DYNC1LI1: variants seen among roughly 807,000 people sequenced by gnomAD.
DYNC1LI1 encodes dynein cytoplasmic 1 light intermediate chain 1, also known as cytoplasmic dynein 1 light intermediate chain 1.
In DYNC1LI1, 19 loss-of-function variants were observed where a neutral mutation model predicts 63.8. The observed-to-expected ratio is 0.30, with a 90% CI of 0.21 to 0.44. DYNC1LI1 has a LOEUF of 0.44. Ranked by LOEUF, DYNC1LI1 falls within the 20% of genes least tolerant of loss-of-function variation. The pLI, the probability that DYNC1LI1 is intolerant of heterozygous loss-of-function variation, is 1.00. For missense variants in DYNC1LI1, 565 were observed against 630.2 expected, an observed-to-expected ratio of 0.90 and a Z score of 1.11; for synonymous variants, 225 against 232.3, an observed-to-expected ratio of 0.97 and a Z score of 0.28.
At chr3:32,526,934 C>A (rs1697627097) in intron 12 of DYNC1LI1, 26 bp from the exon 13 acceptor site, 4 of 1,515,426 alleles carry the variant, frequency 2.6e-6, no homozygotes, top group South Asian at 2.3e-5. Context: ...AGAAAAAAAA[C>A]AAGATTTAGA....
At position 32,550,597 on chromosome 3, in the gene DYNC1LI1, T is replaced by G. The variant is rs536363779; in HGVS notation, c.221-4632A>C. 2.0e-5 allele frequency among the ~76,000 whole-genome samples: 3 copies of G among 152,324 alleles called. No homozygotes were observed. In the East Asian group the frequency reaches 5.8e-4, roughly 29 times the overall value. ...AGAGTTTATTCCTCTCTGTGAATGT[T>G]GTCAATCATTCGTTTCACTGGACGA... On this transcript the variant is annotated intron_variant, in intron 2 of 12. Coordinates refer to ENST00000273130, the MANE Select transcript of DYNC1LI1 (RefSeq NM_016141.4).
chr3:32,561,031 A>C lies in DYNC1LI1; in HGVS notation c.220+9315T>G, dbSNP rs1266889144. Among the ~76,000 whole-genome samples the C allele has an allele frequency of 5.6e-3, 697 of 123,400 alleles. 24 individuals carry two copies. Among genetic ancestry groups the C allele is most frequent in the African/African-American group, 0.022 (663 of 29,798 alleles). 81.0% of individuals were successfully genotyped at this position (123,400 alleles called of 152,430 possible). A position where few individuals can be genotyped will look rare whatever the true frequency, so the allele number is the denominator to read the frequency against. On this transcript the variant is annotated intron_variant, in intron 2 of 12. Coordinates refer to ENST00000273130, the MANE Select transcript of DYNC1LI1 (RefSeq NM_016141.4). Reference sequence around the variant, plus strand: ...AAAAAAAAAAAAAAAAAAAAAAAAAAAACAAACAAAAAAAACACACACACA... The same window carrying C: ...AAAAAAAAAAAAAAAAAAAAAAAAACAACAAACAAAAAAAACACACACACA...
chr3:32,530,207 T>G (rs1697676674), intron 10 of DYNC1LI1, 77 bp downstream of exon 10: 1 of 1,184,038 alleles, frequency 8.4e-7, no homozygotes, highest in South Asian at 1.5e-5. Context: ...ATATGAAATA[T>G]GTACATAATT....
intron 2 of DYNC1LI1, among the ~76,000 whole-genome samples, chr3:32,563,914 C>T (rs1421335962): frequency 2.0e-5 from 3 of 152,236 alleles, no homozygotes; most frequent in Non-Finnish European, 2.9e-5. Flanking sequence ...CAGATATTCA[C>T]TAGGCACCTA....
chr3:32,563,289 CTT>C (rs1292071061), intron 2 of DYNC1LI1, among the ~76,000 whole-genome samples: 9 of 133,940 alleles, frequency 6.7e-5, no homozygotes, highest in Admixed American at 7.7e-5. Flanking sequence ...TGGTCACTTA[CTT>C]TTTTTTTTTT....
intron 2 of DYNC1LI1, among the ~76,000 whole-genome samples, chr3:32,555,287 T>G (rs1484074831): frequency 1.3e-5 from 2 of 152,242 alleles, no homozygotes; most frequent in African/African-American, 4.8e-5. Context: ...ATTATGCAGC[T>G]TTCACTTTCT....
intron 2 of DYNC1LI1, among the ~76,000 whole-genome samples, chr3:32,556,250 CAT>C (rs1185417105): frequency 1.3e-5 from 2 of 152,196 alleles, no homozygotes; most frequent in East Asian, 3.8e-4. Flanking sequence ...TTTGACTCCA[CAT>C]GTTTGGTTAA....
chr3:32,537,938 ATATATATAT>A lies in DYNC1LI1; in HGVS notation c.739-843_739-835del, dbSNP rs1559436187. Among the ~76,000 whole-genome samples the A allele has an allele frequency of 1.6e-3, 16 of 10,282 alleles. 2 individuals carry two copies. Among genetic ancestry groups the A allele is most frequent in the African/African-American group, 6.8e-3 (16 of 2,346 alleles). 6.7% of individuals were successfully genotyped at this position (10,282 alleles called of 152,430 possible). A position where few individuals can be genotyped will look rare whatever the true frequency, so the allele number is the denominator to read the frequency against. On this transcript the variant is annotated intron_variant, in intron 5 of 12. Coordinates refer to ENST00000273130, the MANE Select transcript of DYNC1LI1 (RefSeq NM_016141.4). ...AATTTATATATATAATATATATATA[ATATATATAT>A]AATTTATATATATAATATATATATA...
Position 32,567,530 on chromosome 3 carries a change from AT to A in DYNC1LI1, c.220+2815del, listed in dbSNP as rs869107301. On this transcript the variant is annotated intron_variant, in intron 2 of 12. Transcript: ENST00000273130. ...AGGCTCAGATTTGGTTTTTTATTTT[AT>A]TTATTATTATTATTATTATTATTTT... Among the ~76,000 whole-genome samples the A allele has an allele frequency of 3.8e-3, 458 of 121,436 alleles. 3 individuals are homozygous for A. Among genetic ancestry groups the A allele is most frequent in the African/African-American group, 0.014 (432 of 31,608 alleles). The allele number at this position is 121,436 out of a possible 152,430, so 79.7% of individuals were successfully genotyped here.
intron 2 of DYNC1LI1, among the ~76,000 whole-genome samples, chr3:32,551,993 C>CT (rs1312420070): frequency 1.3e-5 from 2 of 152,198 alleles, no homozygotes; most frequent in African/African-American, 4.8e-5. Flanking sequence ...AAACTACTTA[C>CT]TAGTCATTAC....
intron 2 of DYNC1LI1, among the ~76,000 whole-genome samples, chr3:32,559,834 T>C (rs1240277071): frequency 6.6e-6 from 1 of 152,180 alleles, no homozygotes; most frequent in East Asian, 1.9e-4. Flanking sequence ...TCCTATTTTA[T>C]CTGAAAGCTC....
At chr3:32,533,764 G>A (rs1198921076) in intron 7 of DYNC1LI1, among the ~76,000 whole-genome samples, 4 of 151,452 alleles carry the variant, frequency 2.6e-5, no homozygotes, top group East Asian at 3.9e-4. Flanking sequence ...GTCTCACGAT[G>A]TTGCTCAGGC....
intron 4 of DYNC1LI1, among the ~76,000 whole-genome samples, chr3:32,543,831 G>A (rs1697915329): frequency 6.6e-6 from 1 of 151,632 alleles, no homozygotes; most frequent in Admixed American, 6.6e-5. Flanking sequence ...TTGGGAGTCT[G>A]AGCAAGGTGG....
chr3:32,536,531 T>C (rs1015314900), intron 6 of DYNC1LI1, among the ~76,000 whole-genome samples: 1 of 152,174 alleles, frequency 6.6e-6, no homozygotes, highest in Non-Finnish European at 1.5e-5. Flanking sequence ...TTTAGATGAT[T>C]CTCCAGCCTC....
Position 32,541,058 on chromosome 3 carries a change from T to C in DYNC1LI1, c.717A>G (p.Pro239=). Residue 239 remains proline (P), a synonymous_variant, in exon 5 of 13, where the codon CCA becomes CCG. Transcript: ENST00000273130. ...ADTLTHNLGI[P]VLVVCTKCDA... is the part of the protein sequence containing the mutation. ...TAACCTTTGTGCAAACTACTAGTACTGGAATGCCCAAGTTATGTGTAAGTG... is the reference window on the plus strand; with the variant it reads ...TAACCTTTGTGCAAACTACTAGTACCGGAATGCCCAAGTTATGTGTAAGTG... The C allele has an allele frequency of 1.2e-6, 2 of 1,611,430 alleles. No homozygotes were observed. The highest frequency in any genetic ancestry group is 2.2e-5 in the East Asian group (1 of 44,762).
At chr3:32,533,172 A>T in intron 7 of DYNC1LI1, 75 bp from the exon 8 acceptor site, 2 of 1,457,258 alleles carry the variant, frequency 1.4e-6, no homozygotes, top group South Asian at 2.9e-5. Context: ...GATCATGTAA[A>T]AGGAATACTT....
chr3:32,568,088 G>A (rs1341729341), intron 2 of DYNC1LI1, among the ~76,000 whole-genome samples: 3 of 151,858 alleles, frequency 2.0e-5, no homozygotes, highest in East Asian at 3.9e-4. Context: ...TCCACCCCTC[G>A]GCCTCCCAAA....
intron 2 of DYNC1LI1, among the ~76,000 whole-genome samples, chr3:32,556,381 A>C (rs1247012678): frequency 6.6e-6 from 1 of 152,190 alleles, no homozygotes; most frequent in African/African-American, 2.4e-5. Context: ...TATGTCCCCC[A>C]CATTCAACGA....
chr3:32,541,220 T>G lies in DYNC1LI1; in HGVS notation c.569-14A>C, dbSNP rs73826583. ...AGTCTCTAATCACTGAAAATCAAAG[T>G]AAACACAATTTAGAAATTGCTTCAT... On this transcript the variant is annotated splice_polypyrimidine_tract_variant and intron_variant, in intron 4 of 12. Transcript: ENST00000273130. The G allele has an allele frequency of 4.4e-3, 6,731 of 1,542,036 alleles. 249 individuals are homozygous for G. In the African/African-American group the frequency reaches 0.081, roughly 19 times the overall value.
Sources: allele counts gnomAD v4.1 joint callset (sites outside exome capture counted in the v4.1 genomes callset), GRCh38; gene constraint gnomAD v4.1.1; transcripts MANE v1.5; gene names NCBI Gene and HGNC (gene_info 2026-07-23, HGNC 2026-07-21).